Variants in STPG2 observed in about 807,000 individuals in gnomAD.
The protein encoded by STPG2 is sperm-tail PG-rich repeat-containing protein 2.
STPG2 carries 56 observed loss-of-function variants against 54.2 expected under a neutral mutation model. The ratio of observed to expected loss-of-function variants is 1.03; its 90% CI spans 0.83 to 1.29. The LOEUF (loss-of-function observed/expected upper bound fraction) is 1.29. STPG2 is among the 50% of genes most tolerant of loss of function. The probability of loss-of-function intolerance (pLI) is 0.00; values close to 1 mark genes in which losing one functional copy is unlikely to be tolerated. For synonymous variants in STPG2, 200 were observed against 181.8 expected, an observed-to-expected ratio of 1.10 and a Z score of -0.81; for missense variants, 596 against 544.9, an observed-to-expected ratio of 1.09 and a Z score of -0.93.
intron 9 of STPG2, among the ~76,000 whole-genome samples, chr4:97,775,698 C>T (rs1055925170): frequency 6.6e-6 from 1 of 152,126 alleles, no homozygotes; most frequent in Non-Finnish European, 1.5e-5. Flanking sequence ...CAAACTGTCA[C>T]TAAAACTTTA....
At chr4:97,645,257 T>C (rs372781104) in intron 10 of STPG2, among the ~76,000 whole-genome samples, 1 of 150,526 alleles carries the variant, frequency 6.6e-6, no homozygotes, top group East Asian at 2.0e-4. Context: ...GCAAAAAGCC[T>C]CTGCTACATG....
chr4:97,889,700 C>G (rs9993992), intron 8 of STPG2, among the ~76,000 whole-genome samples: 88,543 of 151,902 alleles, frequency 0.58, 26,365 homozygotes, highest in East Asian at 0.74. Context: ...GTTTTGGGGA[C>G]GTGCTGGTCA....
rs750379508 is a variant in STPG2, at chr4:97,981,326, A to C, written c.613-8T>G. 3.2e-5 allele frequency: 52 copies of C among 1,613,086 alleles called. No homozygotes were observed. The highest frequency in any genetic ancestry group is 4.2e-5 in the Non-Finnish European group (50 of 1,179,706). ...TTTCATAGGTAAAAATCTCTAGTGAAGAACAGGAAAATATGCCAATAAGAA... is the reference window on the plus strand; with the variant it reads ...TTTCATAGGTAAAAATCTCTAGTGACGAACAGGAAAATATGCCAATAAGAA... On this transcript the variant is annotated splice_region_variant and splice_polypyrimidine_tract_variant and intron_variant, in intron 5 of 10. Coordinates refer to ENST00000295268, the MANE Select transcript of STPG2 (RefSeq NM_174952.3).
intron 6 of STPG2, 143 bp from the exon 7 acceptor site, chr4:97,972,583 C>A (rs1193351588): frequency 2.0e-6 from 1 of 491,452 alleles, no homozygotes. Flanking sequence ...GGCATAGTCG[C>A]ATTTTAAAAT....
At chr4:97,662,308 C>A (rs1722396508) in intron 10 of STPG2, among the ~76,000 whole-genome samples, 1 of 151,992 alleles carries the variant, frequency 6.6e-6, no homozygotes, top group African/African-American at 2.4e-5. Flanking sequence ...CAGATAAATG[C>A]AAATCAAAAC....
At chr4:97,839,594 G>A (rs908150718) in intron 9 of STPG2, among the ~76,000 whole-genome samples, 1 of 151,466 alleles carries the variant, frequency 6.6e-6, no homozygotes, top group South Asian at 2.1e-4. Flanking sequence ...GTGTAATCAG[G>A]GACACACTAC....
intron 4 of STPG2, among the ~76,000 whole-genome samples, chr4:97,462,474 T>C (rs1729687275): frequency 6.6e-6 from 1 of 152,048 alleles, no homozygotes; most frequent in South Asian, 2.1e-4. Flanking sequence ...GGGATTACAT[T>C]GAATTTATTT....
At chr4:97,452,202 C>A (rs1483282170) in intron 4 of STPG2, among the ~76,000 whole-genome samples, 2 of 150,122 alleles carry the variant, frequency 1.3e-5, no homozygotes, top group Non-Finnish European at 3.0e-5. Context: ...CCCTACACAC[C>A]TGGGGGCCCA....
At chr4:97,532,735 G>A (rs1376945336) in intron 4 of STPG2, among the ~76,000 whole-genome samples, 1 of 152,170 alleles carries the variant, frequency 6.6e-6, no homozygotes, top group Non-Finnish European at 1.5e-5. Flanking sequence ...GATAGGCATA[G>A]ATGTGCTTAT....
rs527339968 is a variant in STPG2, at chr4:97,857,136, C to A, written c.1045-16204G>T. ...GAAGTTTTCTTTTTCTCTTGTATCT[C>A]TGCTATGTTTTGATATCAGGATGGT... On this transcript the variant is annotated intron_variant, in intron 8 of 10. Coordinates refer to ENST00000295268, the MANE Select transcript of STPG2 (RefSeq NM_174952.3). Among the ~76,000 whole-genome samples, 5 of 152,258 alleles carry A rather than the reference C, an allele frequency of 3.3e-5. No individual in the cohort carries two copies. The East Asian group carries it at 9.6e-4, about 29-fold the overall frequency.
At chr4:97,773,075 T>G (rs554723851) in intron 9 of STPG2, among the ~76,000 whole-genome samples, 24 of 152,192 alleles carry the variant, frequency 1.6e-4, no homozygotes, top group Non-Finnish European at 2.5e-4. Context: ...TCATCACTCC[T>G]TTTATATTAC....
At chr4:98,041,289 A>G (rs925452729) in intron 5 of STPG2, among the ~76,000 whole-genome samples, 8 of 151,816 alleles carry the variant, frequency 5.3e-5, no homozygotes, top group Non-Finnish European at 8.9e-5. Flanking sequence ...GATAATTTGA[A>G]ATCCTCTTTT....
intron 7 of STPG2, 81 bp from the exon 8 acceptor site, chr4:97,944,088 G>T: frequency 2.2e-6 from 2 of 907,066 alleles, no homozygotes; most frequent in Non-Finnish European, 1.7e-6. Flanking sequence ...AGTTTGCAAT[G>T]AAGTTCATCA....
intron 10 of STPG2, among the ~76,000 whole-genome samples, chr4:97,660,174 T>C (rs1004312970): frequency 2.0e-5 from 3 of 152,190 alleles, no homozygotes; most frequent in Non-Finnish European, 4.4e-5. Flanking sequence ...AGCTAATTTT[T>C]TGTATTTTTA....
intron 9 of STPG2, among the ~76,000 whole-genome samples, chr4:97,816,363 T>C (rs901222882): frequency 2.6e-5 from 4 of 152,152 alleles, no homozygotes; most frequent in African/African-American, 4.8e-5. Flanking sequence ...GTCTTTATAG[T>C]AGAATGATTT....
chr4:97,934,543 C>T (rs1732676825), intron 8 of STPG2, among the ~76,000 whole-genome samples: 1 of 152,104 alleles, frequency 6.6e-6, no homozygotes, highest in Non-Finnish European at 1.5e-5. Context: ...CCATCAATAC[C>T]TAGTTTATTG....
intron 5 of STPG2, among the ~76,000 whole-genome samples, chr4:97,997,662 A>G (rs1361952811): frequency 6.6e-6 from 1 of 152,214 alleles, no homozygotes; most frequent in Non-Finnish European, 1.5e-5. Context: ...ACACCATGGA[A>G]TACTATGCAG....
chr4:97,556,117 T>C (rs892503047), downstream of STPG2, among the ~76,000 whole-genome samples: 44 of 152,132 alleles, frequency 2.9e-4, no homozygotes, highest in Non-Finnish European at 1.2e-4. Context: ...CTTTGAGTAA[T>C]AAAAATATTT....
At chr4:97,840,998 G>A (rs1728786465) in intron 8 of STPG2, 66 bp from the exon 9 acceptor site, 1 of 1,486,448 alleles carries the variant, frequency 6.7e-7, no homozygotes, top group South Asian at 1.3e-5. Context: ...GAAGATACCA[G>A]ATGGATGGTT....
Sources: gnomAD v4.1 joint callset for allele counts (sites outside exome capture counted in the v4.1 genomes callset) on GRCh38, gnomAD v4.1.1 for gene constraint, MANE v1.5 for transcripts, NCBI Gene and HGNC (gene_info 2026-07-23, HGNC 2026-07-21) for gene names.